FAM135A: variants seen among roughly 807,000 people sequenced by gnomAD.
The protein encoded by FAM135A is family with sequence similarity 135 member A.
FAM135A carries 79 observed loss-of-function variants against 146.8 expected under a neutral mutation model. The observed-to-expected ratio is 0.54, with a 90% CI of 0.45 to 0.65. FAM135A has a LOEUF of 0.65. Among genes scored for constraint, FAM135A ranks in the 30% least tolerant of loss-of-function variants. The pLI is 0.00. For synonymous variants in FAM135A, 562 were observed against 603.6 expected (o/e 0.93, Z 1.01); for missense variants, 1,623 against 1,758.2 (o/e 0.92, Z 1.38).
intron 20 of FAM135A, among the ~76,000 whole-genome samples, chr6:70,546,105 C>G (rs1236035614): frequency 6.6e-6 from 1 of 151,500 alleles, no homozygotes; most frequent in Admixed American, 6.6e-5. Flanking sequence ...GTAGTCCATC[C>G]CTAGAAAGTT....
chr6:70,554,872 C>T (rs1013155783), intron 20 of FAM135A, among the ~76,000 whole-genome samples: 1 of 152,102 alleles, frequency 6.6e-6, no homozygotes, highest in African/African-American at 2.4e-5. Context: ...GGTGATCCAC[C>T]CTCGGCCTCC....
intron 10 of FAM135A, among the ~76,000 whole-genome samples, chr6:70,487,427 T>C (rs1032726044): frequency 6.6e-6 from 1 of 152,112 alleles, no homozygotes; most frequent in African/African-American, 2.4e-5. Context: ...TATGAAAAGC[T>C]GTAGGAATCA....
chr6:70,521,143 G>A lies in FAM135A; in HGVS notation c.1030-1370G>A, dbSNP rs112653597. Among the ~76,000 whole-genome samples the A allele has an allele frequency of 5.1e-3, 781 of 151,986 alleles. 5 individuals are homozygous for A. The highest frequency in any genetic ancestry group is 0.018 in the African/African-American group (731 of 41,444). On this transcript the variant is annotated intron_variant, in intron 12 of 21. Coordinates refer to ENST00000418814, the MANE Select transcript of FAM135A (RefSeq NM_001162529.3). ...TCAATTTGACATTGAGTTTTTATGT[G>A]GTTTAAGTCAAAGAATTAGAATAAA...
chr6:70,428,403 G>A lies in FAM135A; in HGVS notation c.61G>A (p.Asp21Asn), dbSNP rs1185663382. 1.2e-6 allele frequency: 2 copies of A among 1,602,400 alleles called. No homozygotes were observed. The highest frequency in any genetic ancestry group is 1.3e-5 in the African/African-American group (1 of 74,544). ...GGAGCTAAACAAGTTCTACAATGTG[G>A]ATTTGTTTCAGAGAGGGTATGTATT... ...SVELNKFYNV[D>N]LFQRGFYQIR... Residue 21 changes from aspartate to asparagine, a missense_variant, in exon 4 of 22, where the codon GAT becomes AAT. By Grantham distance (23) the Asp-to-Asn change is conservative. Around this residue, in one of 7 missense-constraint regions of FAM135A, gnomAD observed 171 missense variants for 164.9 expected, o/e 1.04. Transcript: ENST00000418814.
intron 16 of FAM135A, among the ~76,000 whole-genome samples, chr6:70,528,701 G>A (rs958464491): frequency 2.3e-5 from 1 of 42,754 alleles, no homozygotes; most frequent in African/African-American, 2.1e-4. Flanking sequence ...TTTAATTTGG[G>A]ATTTTTTTTT....
rs1582216128 is a variant in FAM135A, at chr6:70,452,658, AC to A, written c.157+89del. The A allele has an allele frequency of 1.5e-5, 13 of 878,068 alleles. No individual in the cohort carries two copies. In the East Asian group the frequency reaches 3.4e-4, roughly 23 times the overall value. The allele number at this position is 878,068 out of a possible 1,614,324, so 54.4% of individuals were successfully genotyped here. On this transcript the variant is annotated intron_variant, in intron 5 of 21. Coordinates refer to ENST00000418814, the MANE Select transcript of FAM135A (RefSeq NM_001162529.3). The stretch of plus-strand genomic sequence containing the variant: ...AGTTTTTTCATTACAGATATAAGAT[AC>A]CTGTAATGGTATAACATCATTATGA...
chr6:70,557,539 C>G (rs1364264598), intron 21 of FAM135A: 1 of 151,750 alleles, frequency 6.6e-6, no homozygotes, highest in Non-Finnish European at 1.5e-5. Context: ...ACTAAAAATA[C>G]AAAAATTAGC....
chr6:70,482,161 T>C lies in FAM135A; in HGVS notation c.823+7T>C. The C allele has an allele frequency of 6.2e-7, 1 of 1,612,640 alleles. No homozygotes were observed. On this transcript the variant is annotated splice_region_variant and intron_variant, in intron 10 of 21. Coordinates refer to ENST00000418814, the MANE Select transcript of FAM135A (RefSeq NM_001162529.3). ...TGTCAGAAACTAGAACTGGGTATGT[T>C]AAAAGTAGCGAGACTTATTCTACAG...
chr6:70,534,312 CT>C (rs1179072858), intron 18 of FAM135A, among the ~76,000 whole-genome samples: 1,131 of 89,772 alleles, frequency 0.013, 14 homozygotes, highest in Admixed American at 0.052. Context: ...AGTTTGTATA[CT>C]TTTTTTTTTT....
At chr6:70,527,202 C>T (rs770214215) in intron 15 of FAM135A, among the ~76,000 whole-genome samples, 1 of 152,024 alleles carries the variant, frequency 6.6e-6, no homozygotes, top group Non-Finnish European at 1.5e-5. Flanking sequence ...TGATTGCCTT[C>T]AGCTAAGTCA....
chr6:70,515,300 A>G (rs931857017), intron 12 of FAM135A, among the ~76,000 whole-genome samples: 2 of 152,238 alleles, frequency 1.3e-5, no homozygotes, highest in African/African-American at 4.8e-5. Context: ...TGTCCACACA[A>G]AAACCTCCAC....
chr6:70,424,591 G>A (rs544944976), intron 2 of FAM135A, among the ~76,000 whole-genome samples: 41 of 152,296 alleles, frequency 2.7e-4, no homozygotes, highest in Middle Eastern at 6.8e-3. Context: ...TGCAGAGCTG[G>A]ATCCCTTTGT....
intron 11 of FAM135A, among the ~76,000 whole-genome samples, chr6:70,498,567 TAC>T (rs200836940): frequency 0.025 from 3,815 of 152,278 alleles, 157 homozygotes; most frequent in African/African-American, 0.087. Context: ...ATTGTGATGT[TAC>T]AGTGTCCATT....
intron 16 of FAM135A, 60 bp from the exon 17 acceptor site, chr6:70,533,100 T>C: frequency 1.5e-6 from 2 of 1,298,958 alleles, no homozygotes; most frequent in South Asian, 1.2e-5. Context: ...AAATATGTGA[T>C]GGTGTACTTT....
At chr6:70,423,860 G>A (rs1769416073) in intron 2 of FAM135A, among the ~76,000 whole-genome samples, 1 of 152,172 alleles carries the variant, frequency 6.6e-6, no homozygotes, top group African/African-American at 2.4e-5. Flanking sequence ...CAAGCTCACT[G>A]AGAGGCACAG....
In FAM135A at chr6:70,477,235, C is replaced by G. The variant is rs1313622216; in HGVS notation, c.445C>G (p.His149Asp). The G allele has an allele frequency of 6.2e-7, 1 of 1,613,644 alleles. No homozygotes were observed. Among genetic ancestry groups the G allele is most frequent in the African/African-American group, 1.3e-5 (1 of 75,008 alleles). ...KLHFSPHRGL[H>D]HHVNVMFDYF... ...GCACTTTAGCCCCCATAGAGGCCTTCATCATCATGTTAATGTTATGTTTGA... is the reference window on the plus strand; with the variant it reads ...GCACTTTAGCCCCCATAGAGGCCTTGATCATCATGTTAATGTTATGTTTGA... The change falls in exon 8 of 22, where the codon CAT (histidine) becomes GAT (aspartate). Residue 149 changes from histidine (H) to aspartate (D), a missense_variant. His to Asp is a moderately conservative substitution (Grantham distance 81, BLOSUM62 -1). This residue lies in a region of FAM135A where 16 missense variants were observed against 39.0 expected (regional missense o/e 0.41). Transcript: ENST00000418814.
At chr6:70,477,863 C>A (rs2128166411) in intron 8 of FAM135A, among the ~76,000 whole-genome samples, 1 of 152,200 alleles carries the variant, frequency 6.6e-6, no homozygotes, top group Admixed American at 6.5e-5. Context: ...GAAACATTGG[C>A]TTGATAACTT....
At chr6:70,501,797 G>T (rs576859927) in intron 11 of FAM135A, among the ~76,000 whole-genome samples, 1 of 152,264 alleles carries the variant, frequency 6.6e-6, no homozygotes, top group South Asian at 2.1e-4. Context: ...TGGACTCACT[G>T]CCTAACCAGT....
At chr6:70,435,329 TC>T (rs1452771725) in intron 4 of FAM135A, among the ~76,000 whole-genome samples, 1 of 151,856 alleles carries the variant, frequency 6.6e-6, no homozygotes, top group Non-Finnish European at 1.5e-5. Flanking sequence ...GGTCTCAAAC[TC>T]CTGACCTTAG....
Sources: gnomAD v4.1 joint callset for allele counts (sites outside exome capture counted in the v4.1 genomes callset) on GRCh38, gnomAD v4.1.1 for gene constraint, gnomAD v4.1.1 regional missense constraint, MANE v1.5 for transcripts, NCBI Gene and HGNC (gene_info 2026-07-23, HGNC 2026-07-21) for gene names.